Variants in SEC14L2 observed in about 807,000 individuals in gnomAD.
The protein encoded by SEC14L2 is SEC14 like lipid binding 2, also known as SEC14-like protein 2.
In SEC14L2, 50 loss-of-function variants were observed where a neutral mutation model predicts 56.9. The ratio of observed to expected loss-of-function variants is 0.88; its 90% CI spans 0.70 to 1.11. The LOEUF is 1.11. Ranked by LOEUF, SEC14L2 falls within the 50% of genes most tolerant of loss-of-function variation. SEC14L2 has a pLI of 0.00. For synonymous variants in SEC14L2, 179 were observed against 188.5 expected (o/e 0.95, Z 0.41); for missense variants, 414 against 500.7 (o/e 0.83, Z 1.65).
intron 8 of SEC14L2, among the ~76,000 whole-genome samples, chr22:30,411,000 C>T (rs942935648): frequency 2.6e-5 from 4 of 152,228 alleles, no homozygotes; most frequent in African/African-American, 7.2e-5. Flanking sequence ...TGCAGTGGCT[C>T]ATGCCTGTAA....
rs1934126180 is a variant in SEC14L2, at chr22:30,407,410, C to T, written c.235-5C>T. 6.2e-7 allele frequency: 1 copy of T among 1,611,200 alleles called. No individual in the cohort carries two copies. The highest frequency in any genetic ancestry group is 8.5e-7 in the Non-Finnish European group (1 of 1,177,736). ...ACCAGGTGGCTCCTCTGTGTCTTTG[C>T]CCAGGTGATCCAACAGTATCTGTCA... On this transcript the variant is annotated splice_region_variant and splice_polypyrimidine_tract_variant and intron_variant, in intron 4 of 11. Coordinates refer to ENST00000615189, the MANE Select transcript of SEC14L2 (RefSeq NM_012429.5).
chr22:30,421,579 C>T (rs911696239), intron 11 of SEC14L2: 3 of 152,204 alleles, frequency 2.0e-5, no homozygotes, highest in African/African-American at 7.2e-5. Context: ...CTTATTATTA[C>T]AAATAGGGAT....
intron 1 of SEC14L2, 77 bp from the exon 2 acceptor site, chr22:30,399,566 A>T: frequency 1.1e-6 from 1 of 894,024 alleles, no homozygotes; most frequent in East Asian, 2.6e-5. Context: ...TCCAGCAAAG[A>T]TCTCAGTGGA....
intron 5 of SEC14L2, 98 bp downstream of exon 5, chr22:30,407,701 C>A: frequency 9.5e-7 from 1 of 1,052,464 alleles, no homozygotes; most frequent in Non-Finnish European, 1.3e-6. Flanking sequence ...AGCTTCAGGG[C>A]CAAGGCCCAG....
In SEC14L2 at chr22:30,422,473, G is replaced by A. The variant is rs1569213772; in HGVS notation, c.*66G>A. 1 of 1,594,554 alleles carries A rather than the reference G, an allele frequency of 6.3e-7. No individual in the cohort carries two copies. Among genetic ancestry groups the A allele is most frequent in the Non-Finnish European group, 8.5e-7 (1 of 1,169,786 alleles). ...CTGTCAATTTCTACCCCTTGTAGCA[G>A]TCATTTTCGCACAACCCTGAAGCCC... On this transcript the variant is annotated 3_prime_UTR_variant, in exon 12 of 12. Coordinates refer to ENST00000615189, the MANE Select transcript of SEC14L2 (RefSeq NM_012429.5).
intron 2 of SEC14L2, among the ~76,000 whole-genome samples, chr22:30,402,469 G>T (rs1933966641): frequency 6.6e-6 from 1 of 152,128 alleles, no homozygotes; most frequent in Non-Finnish European, 1.5e-5. Context: ...AAAGAATGTG[G>T]TCGGTCATTC....
rs1030476306 is a variant in SEC14L2, at chr22:30,424,066, A to T, written c.*1659A>T. 1 of 152,416 alleles carries T rather than the reference A, an allele frequency of 6.6e-6. No homozygotes were observed. Among genetic ancestry groups the T allele is most frequent in the African/African-American group, 2.4e-5 (1 of 41,452 alleles). The allele number at this position is 152,416 out of a possible 1,614,324, so 9.4% of individuals were successfully genotyped here. On this transcript the variant is annotated 3_prime_UTR_variant, in exon 12 of 12. Coordinates refer to ENST00000615189, the MANE Select transcript of SEC14L2 (RefSeq NM_012429.5). ...GGTGGGTTGTCTTCCGCCATCTTTG[A>T]TCAGGGCACTAAGGATGCTCCCCAC...
intron 1 of SEC14L2, among the ~76,000 whole-genome samples, chr22:30,399,123 T>C (rs1933844653): frequency 6.6e-6 from 1 of 152,016 alleles, no homozygotes; most frequent in Non-Finnish European, 1.5e-5. Flanking sequence ...TCTCACTCCC[T>C]TCCCACTTCC....
At chr22:30,398,608 C>A in intron 1 of SEC14L2, 1 of 441,192 alleles carries the variant, frequency 2.3e-6, no homozygotes, top group Non-Finnish European at 4.8e-6. Flanking sequence ...CCTGGCTTCC[C>A]CTACTGGAAC....
rs1167231256 is a variant in SEC14L2, at chr22:30,407,612, A to T, written c.423+9A>T. On this transcript the variant is annotated intron_variant, in intron 5 of 11. Coordinates refer to ENST00000615189, the MANE Select transcript of SEC14L2 (RefSeq NM_012429.5). ...CCCACCAGACCACAAAGGTGAGTGG[A>T]CCACCATGGCTAGAAATGAGTTGAC... 6.2e-7 allele frequency: 1 copy of T among 1,610,718 alleles called. No homozygotes were observed. The highest frequency in any genetic ancestry group is 1.7e-4 in the Middle Eastern group (1 of 6,046).
In SEC14L2 at chr22:30,407,133, C is replaced by T. The variant is rs542741249; in HGVS notation, c.213C>T (p.Ile71=). The T allele has an allele frequency of 3.4e-5, 55 of 1,614,048 alleles. No homozygotes were observed. In the East Asian group the frequency reaches 1.0e-3, roughly 31 times the overall value. ...EFRKQKDIDN[I]ISWQPPEVIQ... ...GAAAGCAAAAGGACATTGACAACAT[C>T]ATTAGCTGGCAGCCTCCAGAGGTGA... is the stretch of plus-strand genomic sequence containing the variant. Residue 71 remains isoleucine, a synonymous_variant, in exon 4 of 12, where the codon ATC becomes ATT. Coordinates refer to ENST00000615189, the MANE Select transcript of SEC14L2 (RefSeq NM_012429.5).
chr22:30,397,102 C>T lies in SEC14L2; in HGVS notation c.-15C>T, dbSNP rs199507051. On this transcript the variant is annotated 5_prime_UTR_variant, in exon 1 of 12. Coordinates refer to ENST00000615189, the MANE Select transcript of SEC14L2 (RefSeq NM_012429.5). Reference sequence around the variant, plus strand: ...GCCTCCCGCCCCCAAACCCCATCCCCGCGGTTGAGCCACGATGAGCGGCAG... The same window carrying T: ...GCCTCCCGCCCCCAAACCCCATCCCTGCGGTTGAGCCACGATGAGCGGCAG... 2.6e-6 allele frequency: 4 copies of T among 1,548,010 alleles called. No individual in the cohort carries two copies. Among genetic ancestry groups the T allele is most frequent in the Non-Finnish European group, 3.5e-6 (4 of 1,145,844 alleles).
chr22:30,402,983 G>A (rs1411054007), intron 2 of SEC14L2, among the ~76,000 whole-genome samples: 7 of 152,074 alleles, frequency 4.6e-5, no homozygotes, highest in Admixed American at 4.6e-4. Flanking sequence ...GGTAGGCCGA[G>A]GTGGGAAGTC....
At chr22:30,398,197 ACTG>A (rs757523815) in intron 1 of SEC14L2, among the ~76,000 whole-genome samples, 1 of 152,192 alleles carries the variant, frequency 6.6e-6, no homozygotes, top group Non-Finnish European at 1.5e-5. Flanking sequence ...TTCAGATTTT[ACTG>A]CTGACTCGCA....
chr22:30,411,742 C>CATAAAAAAAAAAA (rs1934254241), intron 8 of SEC14L2, among the ~76,000 whole-genome samples: 1 of 67,810 alleles, frequency 1.5e-5, no homozygotes. Context: ...GACTCCGTCT[C>CATAAAAAAAAAAA]AAAAAAAAAA....
At position 30,424,449 on chromosome 22, in the gene SEC14L2, G is replaced by A. The variant is rs565215927; in HGVS notation, c.*2042G>A. The A allele has an allele frequency of 3.8e-5, 13 of 341,812 alleles. No homozygotes were observed. In the East Asian group the frequency reaches 1.0e-3, roughly 26 times the overall value. The allele number at this position is 341,812 out of a possible 1,614,324, so 21.2% of individuals were successfully genotyped here. ...GGGCTGAAAGCGGGGGCCTCCGTAG[G>A]GAGCCAGCGGGGGCCTCAATAGTTA... On this transcript the variant is annotated 3_prime_UTR_variant, in exon 12 of 12. Coordinates refer to ENST00000615189, the MANE Select transcript of SEC14L2 (RefSeq NM_012429.5).
At chr22:30,407,289 G>A (rs1329538796) in intron 4 of SEC14L2, 126 bp from the exon 5 acceptor site, 1 of 1,432,256 alleles carries the variant, frequency 7.0e-7, no homozygotes. Flanking sequence ...TCTCCAGAAT[G>A]GGCATCTGTT....
At chr22:30,412,533 C>G (rs1335741045) in intron 8 of SEC14L2, among the ~76,000 whole-genome samples, 1 of 151,978 alleles carries the variant, frequency 6.6e-6, no homozygotes, top group Non-Finnish European at 1.5e-5. Flanking sequence ...TTATTTAGGG[C>G]CAGGCGCAGT....
At chr22:30,416,751 A>G in intron 11 of SEC14L2, 1 of 1,308,886 alleles carries the variant, frequency 7.6e-7, no homozygotes, top group African/African-American at 1.5e-5. Flanking sequence ...CAGAGGTCAC[A>G]GAGACAGAAC....
Sources: allele counts gnomAD v4.1 joint callset (sites outside exome capture counted in the v4.1 genomes callset), GRCh38; gene constraint gnomAD v4.1.1; transcripts MANE v1.5; gene names NCBI Gene and HGNC (gene_info 2026-07-23, HGNC 2026-07-21).